CDH13: variants seen among roughly 807,000 people sequenced by gnomAD.
CDH13 encodes the protein cadherin-13.
A neutral mutation model predicts 63.8 loss-of-function variants in CDH13; 24 were observed. The ratio of observed to expected loss-of-function variants is 0.38; its 90% confidence interval spans 0.27 to 0.53. CDH13 has a LOEUF of 0.53. CDH13 is among the 20% of genes least tolerant of loss of function. CDH13 has a pLI of 0.85. For missense variants in CDH13, 1,049 were observed against 903.1 expected (o/e 1.16, Z -2.07); for synonymous variants, 503 against 355.3 (o/e 1.42, Z -4.67).
chr16:83,417,089 A>C (rs2071572438), intron 6 of CDH13, among the ~76,000 whole-genome samples: 1 of 152,168 alleles, frequency 6.6e-6, no homozygotes, highest in Non-Finnish European at 1.5e-5. Context: ...TGAGATAGCC[A>C]CTGTTATTAT....
At chr16:83,083,569 G>A (rs561677474) in intron 3 of CDH13, among the ~76,000 whole-genome samples, 4 of 152,144 alleles carry the variant, frequency 2.6e-5, no homozygotes, top group African/African-American at 7.2e-5. Flanking sequence ...CAGCCCCACC[G>A]AAATTCTGTT....
chr16:82,997,067 G>GAT, intron 2 of CDH13, among the ~76,000 whole-genome samples: 1 of 151,616 alleles, frequency 6.6e-6, no homozygotes, highest in Non-Finnish European at 1.5e-5. Context: ...TGATGGTGAT[G>GAT]GTGGTGATGG....
Position 83,032,143 on chromosome 16 carries a change from T to C in CDH13, c.291T>C (p.His97=), listed in dbSNP as rs758138760. 7.4e-6 allele frequency: 12 copies of C among 1,613,726 alleles called. No homozygotes were observed. The highest frequency in any genetic ancestry group is 2.2e-5 in the East Asian group (1 of 44,796). The change falls in exon 3 of 14, where the codon CAT becomes CAC. Residue 97 remains histidine, a synonymous_variant. Coordinates refer to ENST00000567109, the MANE Select transcript of CDH13 (RefSeq NM_001257.5). Reference sequence around the variant, plus strand: ...CAGTGGGCAAAACTCTGTTCGTCCATGCACGGACCCCCCATGCGGAAGATA... The same window carrying C: ...CAGTGGGCAAAACTCTGTTCGTCCACGCACGGACCCCCCATGCGGAAGATA... The part of the protein sequence containing the change: ...ITAVGKTLFV[H]ARTPHAEDMA...
chr16:83,192,816 G>T (rs12920264), intron 4 of CDH13, among the ~76,000 whole-genome samples: 13,338 of 152,126 alleles, frequency 0.088, 679 homozygotes, highest in African/African-American at 0.12. Context: ...CCCCCTAAGT[G>T]TGGGTGGAAC....
intron 2 of CDH13, among the ~76,000 whole-genome samples, chr16:82,939,172 C>T (rs986124412): frequency 5.3e-5 from 8 of 152,098 alleles, no homozygotes; most frequent in African/African-American, 1.9e-4. Context: ...GCCTGCAATC[C>T]CAGACATTTC....
At chr16:82,693,955 A>G (rs1419275122) in intron 1 of CDH13, among the ~76,000 whole-genome samples, 1 of 152,216 alleles carries the variant, frequency 6.6e-6, no homozygotes, top group Non-Finnish European at 1.5e-5. Context: ...GCCTGGATTA[A>G]AATGATGTCA....
At chr16:83,236,675 C>G (rs966099390) in intron 5 of CDH13, among the ~76,000 whole-genome samples, 2 of 151,894 alleles carry the variant, frequency 1.3e-5, no homozygotes, top group East Asian at 2.0e-4. Flanking sequence ...CTTGTTTCAG[C>G]TAAGTAAAAT....
chr16:83,164,465 A>T (rs1234945148), intron 4 of CDH13, among the ~76,000 whole-genome samples: 1 of 152,052 alleles, frequency 6.6e-6, no homozygotes, highest in East Asian at 1.9e-4. Context: ...GATTCCTTCA[A>T]GTCTGTTTCA....
At chr16:82,971,959 G>T (rs994422711) in intron 2 of CDH13, among the ~76,000 whole-genome samples, 6 of 152,174 alleles carry the variant, frequency 3.9e-5, no homozygotes, top group African/African-American at 1.4e-4. Context: ...AGCTACTTGA[G>T]GCACTAACCC....
At chr16:83,737,993 A>G (rs1423195148) in intron 10 of CDH13, among the ~76,000 whole-genome samples, 2 of 152,194 alleles carry the variant, frequency 1.3e-5, no homozygotes, top group African/African-American at 4.8e-5. Context: ...ATGTATATGA[A>G]TACATACATC....
At chr16:82,713,541 C>G (rs2032118761) in intron 1 of CDH13, among the ~76,000 whole-genome samples, 1 of 152,030 alleles carries the variant, frequency 6.6e-6, no homozygotes, top group African/African-American at 2.4e-5. Context: ...GTCAGAATGG[C>G]AGGGTGGTCA....
chr16:82,678,359 A>G (rs931459410), intron 1 of CDH13, among the ~76,000 whole-genome samples: 3 of 146,300 alleles, frequency 2.1e-5, no homozygotes, highest in African/African-American at 7.6e-5. Flanking sequence ...AATTTTTACT[A>G]CATGATTTCC....
chr16:83,362,937 G>T (rs1346298957), intron 6 of CDH13, among the ~76,000 whole-genome samples: 4 of 152,200 alleles, frequency 2.6e-5, no homozygotes, highest in Admixed American at 2.6e-4. Context: ...ACGTTAAGAA[G>T]CTGCTCTAAG....
At chr16:83,187,596 C>T (rs186851376) in intron 4 of CDH13, among the ~76,000 whole-genome samples, 1 of 152,114 alleles carries the variant, frequency 6.6e-6, no homozygotes, top group Admixed American at 6.6e-5. Flanking sequence ...AAGCTGTTTG[C>T]AACCCGCAGC....
chr16:82,730,425 A>AG (rs1304763017), intron 1 of CDH13, among the ~76,000 whole-genome samples: 1 of 152,136 alleles, frequency 6.6e-6, no homozygotes, highest in African/African-American at 2.4e-5. Context: ...AGAGAGGGAG[A>AG]GGAAAGGCTG....
intron 6 of CDH13, among the ~76,000 whole-genome samples, chr16:83,428,645 G>A (rs1458041307): frequency 6.6e-6 from 1 of 152,214 alleles, no homozygotes; most frequent in African/African-American, 2.4e-5. Context: ...CTGAATGAAT[G>A]AGAAATAAGT....
At chr16:83,327,727 G>C (rs553334800) in intron 5 of CDH13, among the ~76,000 whole-genome samples, 1 of 152,290 alleles carries the variant, frequency 6.6e-6, no homozygotes, top group East Asian at 1.9e-4. Flanking sequence ...GAAGGTTTCT[G>C]TTTTGAGGAC....
At chr16:83,059,180 A>C (rs1021683307) in intron 3 of CDH13, among the ~76,000 whole-genome samples, 2 of 152,158 alleles carry the variant, frequency 1.3e-5, no homozygotes, top group South Asian at 2.1e-4. Context: ...CATTTCTTCA[A>C]TTCTCCCAGA....
rs1555558541 is a variant in CDH13 at position 83,486,141 on chromosome 16, T to TAAAGAAAAGAAA, written c.782-333_782-332insGAAAAGAAAAAA. ...TTGGGTGACAGAGCGAGACTCTGTC[T>TAAAGAAAAGAAA]AAAAAAATGAATGTCCCTGTCACAA... On this transcript the variant is annotated intron_variant, in intron 6 of 13. Coordinates refer to ENST00000567109, the MANE Select transcript of CDH13 (RefSeq NM_001257.5). Among the ~76,000 whole-genome samples, 198 of 150,820 alleles carry TAAAGAAAAGAAA rather than the reference T, an allele frequency of 1.3e-3. 5 individuals are homozygous for TAAAGAAAAGAAA. In the South Asian group the frequency reaches 0.039, roughly 29 times the overall value.
Sources: gnomAD v4.1 joint callset for allele counts (sites outside exome capture counted in the v4.1 genomes callset) on GRCh38, gnomAD v4.1.1 for gene constraint, MANE v1.5 for transcripts, NCBI Gene and HGNC (gene_info 2026-07-23, HGNC 2026-07-21) for gene names.